The following TDRD12 variants were observed in gnomAD, a reference collection of about 807,000 sequenced individuals.
TDRD12 encodes the protein tudor domain containing 12.
A neutral mutation model predicts 133.5 loss-of-function variants in TDRD12; 158 were observed. That is an observed-to-expected ratio of 1.18 (90% CI 1.04 to 1.35). The LOEUF (loss-of-function observed/expected upper bound fraction) is 1.35, where lower values mean the gene tolerates loss of function less well. Ranked by LOEUF, TDRD12 falls within the 40% of genes most tolerant of loss-of-function variation. TDRD12 has a pLI of 0.00. For synonymous variants in TDRD12, 460 were observed against 477.9 expected (o/e 0.96, Z 0.49); for missense variants, 1,443 against 1,321.3 (o/e 1.09, Z -1.43).
At chr19:32,788,612 G>A (rs1970977783) in intron 11 of TDRD12, among the ~76,000 whole-genome samples, 1 of 151,982 alleles carries the variant, frequency 6.6e-6, no homozygotes, top group Non-Finnish European at 1.5e-5. Flanking sequence ...GATTTTTGTG[G>A]GGGAGTTTTC....
At chr19:32,801,361 A>G (rs1280984412) in intron 18 of TDRD12, among the ~76,000 whole-genome samples, 3 of 152,216 alleles carry the variant, frequency 2.0e-5, no homozygotes, top group Non-Finnish European at 4.4e-5. Flanking sequence ...ACCAAATAAA[A>G]GAATTAATAG....
At chr19:32,767,341 C>T (rs1376580290) in intron 8 of TDRD12, among the ~76,000 whole-genome samples, 2 of 151,792 alleles carry the variant, frequency 1.3e-5, no homozygotes, top group Non-Finnish European at 2.9e-5. Flanking sequence ...GTTGGTCAGG[C>T]TGGTCTGGAA....
chr19:32,778,468 A>C (rs1471430397), intron 11 of TDRD12, among the ~76,000 whole-genome samples: 1 of 152,042 alleles, frequency 6.6e-6, no homozygotes, highest in Non-Finnish European at 1.5e-5. Context: ...CTGGCAAATT[A>C]ACCCTGGAAT....
chr19:32,822,966 A>C (rs1017706568), downstream of TDRD12, among the ~76,000 whole-genome samples: 1 of 152,200 alleles, frequency 6.6e-6, no homozygotes. Flanking sequence ...ATATATTGAT[A>C]AACTCATCCC....
rs576801140 is a variant in TDRD12, at chr19:32,776,903, T to C, written c.1041-246T>C. ...AGGGGTTCACAATTTTTCATTTTTT[T>C]AAGAGACAGGGTCTTGCTCTTGTTG... On this transcript the variant is annotated intron_variant, in intron 10 of 27. Transcript: ENST00000444215. Among the ~76,000 whole-genome samples, 3 of 152,320 alleles carry C rather than the reference T, an allele frequency of 2.0e-5. No individual in the cohort carries two copies. The South Asian group carries it at 6.2e-4, about 32-fold the overall frequency.
chr19:32,750,839 A>G (rs1969802629), intron 6 of TDRD12, among the ~76,000 whole-genome samples: 1 of 152,172 alleles, frequency 6.6e-6, no homozygotes, highest in African/African-American at 2.4e-5. Context: ...TATTAAGGCT[A>G]TGCATTTTTG....
At chr19:32,743,067 G>A (rs1969481747) in intron 4 of TDRD12, among the ~76,000 whole-genome samples, 167 bp downstream of exon 4, 1 of 152,202 alleles carries the variant, frequency 6.6e-6, no homozygotes, top group African/African-American at 2.4e-5. Context: ...TGGTTGAGGG[G>A]GTTTGGAGCA....
intron 11 of TDRD12, among the ~76,000 whole-genome samples, chr19:32,785,894 C>G (rs1970895227): frequency 6.6e-6 from 1 of 152,044 alleles, no homozygotes; most frequent in Admixed American, 6.6e-5. Context: ...ATTTGCCAGT[C>G]TGTGTCTTTT....
chr19:32,798,846 A>G (rs1382046689), intron 16 of TDRD12, among the ~76,000 whole-genome samples: 1 of 152,210 alleles, frequency 6.6e-6, no homozygotes, highest in Non-Finnish European at 1.5e-5. Context: ...CATATAGTTA[A>G]TAACATCAGG....
At chr19:32,794,098 T>C (rs1971151044) in intron 13 of TDRD12, among the ~76,000 whole-genome samples, 1 of 57,128 alleles carries the variant, frequency 1.8e-5, no homozygotes, top group Non-Finnish European at 3.1e-5. Flanking sequence ...CTGGCTTTTT[T>C]TTTTTTTTTT....
exon 14 of TDRD12, chr19:32,794,706 G>A: frequency 1.4e-6 from 1 of 703,192 alleles, no homozygotes; most frequent in South Asian, 1.5e-5. Context: ...TGGCTGTGAT[G>A]TGGTTGTCAT....
intron 6 of TDRD12, among the ~76,000 whole-genome samples, chr19:32,755,592 T>G (rs1343410285): frequency 6.6e-6 from 1 of 152,258 alleles, no homozygotes; most frequent in African/African-American, 2.4e-5. Flanking sequence ...ATCCGGATAC[T>G]TGATTTTAAA....
intron 11 of TDRD12, among the ~76,000 whole-genome samples, chr19:32,781,837 T>C (rs1970776018): frequency 6.6e-6 from 1 of 152,112 alleles, no homozygotes; most frequent in African/African-American, 2.4e-5. Flanking sequence ...TCATGTCCCT[T>C]ACCCCTGGGA....
intron 11 of TDRD12, among the ~76,000 whole-genome samples, chr19:32,781,972 T>TC (rs57642177): frequency 8.5e-6 from 1 of 118,136 alleles, no homozygotes; most frequent in African/African-American, 2.7e-5. Context: ...ATATTTTTCT[T>TC]TTTTTTTTAT....
At chr19:32,795,631 A>G (rs1027519097) in intron 14 of TDRD12, among the ~76,000 whole-genome samples, 1 of 152,080 alleles carries the variant, frequency 6.6e-6, no homozygotes, top group Non-Finnish European at 1.5e-5. Context: ...CATGTGGGAA[A>G]ACCTCAGAAT....
chr19:32,768,618 G>A (rs937357760), intron 8 of TDRD12, among the ~76,000 whole-genome samples: 12 of 151,842 alleles, frequency 7.9e-5, no homozygotes, highest in Admixed American at 4.6e-4. Context: ...TGCCCGCCTC[G>A]GCCTTCCAAA....
At chr19:32,805,124 C>CCCGTCTCTT (rs1971505739) in intron 21 of TDRD12, among the ~76,000 whole-genome samples, 2 of 148,890 alleles carry the variant, frequency 1.3e-5, no homozygotes, top group African/African-American at 4.9e-5. Context: ...ACACAGAGAC[C>CCCGTCTCTT]CCGTCTCTTT....
chr19:32,777,396 A>G (rs1970613579), intron 11 of TDRD12, among the ~76,000 whole-genome samples, 167 bp downstream of exon 11: 1 of 152,092 alleles, frequency 6.6e-6, no homozygotes, highest in South Asian at 2.1e-4. Context: ...TTGCTTTTCC[A>G]TCCACTTGGG....
chr19:32,811,582 T>C (rs917831365), intron 24 of TDRD12, among the ~76,000 whole-genome samples, 162 bp downstream of exon 24: 3 of 152,204 alleles, frequency 2.0e-5, no homozygotes, highest in Non-Finnish European at 4.4e-5. Context: ...AGCTGAACCC[T>C]CGGAGAGGTA....
Sources: gnomAD v4.1 joint callset for allele counts (sites outside exome capture counted in the v4.1 genomes callset) on GRCh38, gnomAD v4.1.1 for gene constraint, MANE v1.5 for transcripts, NCBI Gene and HGNC (gene_info 2026-07-23, HGNC 2026-07-21) for gene names.